Variants in SASS6 observed in about 807,000 individuals in gnomAD.
SASS6 encodes SAS-6 centriolar assembly protein.
In SASS6, 59 loss-of-function variants were observed where a neutral mutation model predicts 94.9. The ratio of observed to expected loss-of-function variants is 0.62; its 90% CI spans 0.50 to 0.77. The LOEUF (loss-of-function observed/expected upper bound fraction) is 0.77, where lower values mean the gene tolerates loss of function less well. SASS6 is among the 30% of genes least tolerant of loss of function. The pLI is 0.00. For missense variants in SASS6, 698 were observed against 734.1 expected, an observed-to-expected ratio of 0.95 and a Z score of 0.57; for synonymous variants, 264 against 270.0, an observed-to-expected ratio of 0.98 and a Z score of 0.22.
chr1:100,102,980 G>A lies in SASS6; in HGVS notation c.1649C>T (p.Thr550Ile). 2 of 1,612,332 alleles carry A rather than the reference G, an allele frequency of 1.2e-6. No homozygotes were observed. The highest frequency in any genetic ancestry group is 2.2e-5 in the East Asian group (1 of 44,834). The change falls in exon 14 of 17, where the codon ACC becomes ATC. Residue 550 changes from threonine to isoleucine, a missense_variant. Coordinates refer to ENST00000287482, the MANE Select transcript of SASS6 (RefSeq NM_194292.3). ...TFPHSISAKN[T>I]SHPGSGTKVQ... The stretch of plus-strand genomic sequence containing the variant: ...CTTTGTTCCTGAACCAGGGTGGCTG[G>A]TATTTTTGGCAGATATCGAATGAGG...
At chr1:100,106,222 G>GTA (rs1652891757) in intron 12 of SASS6, among the ~76,000 whole-genome samples, 1 of 152,004 alleles carries the variant, frequency 6.6e-6, no homozygotes, top group Non-Finnish European at 1.5e-5. Context: ...ATACCCAGTA[G>GTA]TATAAACTGA....
In SASS6 at chr1:100,103,004, G is replaced by A; in HGVS notation, c.1625C>T (p.Pro542Leu). Residue 542 changes from proline (P) to leucine (L), a missense_variant, in exon 14 of 17, where the codon CCT (proline) becomes CTT (leucine). Pro to Leu is a moderately conservative substitution (Grantham distance 98, BLOSUM62 -3). Coordinates refer to ENST00000287482, the MANE Select transcript of SASS6 (RefSeq NM_194292.3). ...SSAFAFQNTFPHSISAKNTSH... is the reference protein window; with the variant it reads ...SSAFAFQNTFLHSISAKNTSH... The stretch of plus-strand genomic sequence containing the variant: ...GGTATTTTTGGCAGATATCGAATGA[G>A]GGAAGGTATTCTGGAATGCAAATGC... 1 of 1,611,388 alleles carries A rather than the reference G, an allele frequency of 6.2e-7. No homozygotes were observed. The highest frequency in any genetic ancestry group is 8.5e-7 in the Non-Finnish European group (1 of 1,177,648).
intron 1 of SASS6, 60 bp downstream of exon 1, chr1:100,132,690 C>T: frequency 1.5e-6 from 2 of 1,374,912 alleles, no homozygotes. Flanking sequence ...GAACCGCCAT[C>T]TTTCCCCATT....
rs181784681 is a variant in SASS6 at position 100,120,379 on chromosome 1, T to C, written c.549+15A>G. 1.9e-3 allele frequency: 2,537 copies of C among 1,355,684 alleles called. 8 individuals are homozygous for C. Among genetic ancestry groups the C allele is most frequent in the South Asian group, 4.3e-3 (362 of 85,020 alleles). 84.0% of individuals were successfully genotyped at this position (1,355,684 alleles called of 1,614,324 possible). ...GTCTGGATGACTTACAAAGACAAAATGAAATTTGAATTACCTTTCGTGTAA... is the reference window on the plus strand; with the variant it reads ...GTCTGGATGACTTACAAAGACAAAACGAAATTTGAATTACCTTTCGTGTAA... On this transcript the variant is annotated intron_variant, in intron 6 of 16. Coordinates refer to ENST00000287482, the MANE Select transcript of SASS6 (RefSeq NM_194292.3).
At chr1:100,093,483 G>A (rs1172155957) in intron 14 of SASS6, among the ~76,000 whole-genome samples, 1 of 152,170 alleles carries the variant, frequency 6.6e-6, no homozygotes, top group African/African-American at 2.4e-5. Context: ...GAATAGGGCT[G>A]GGCGTGGTGG....
Position 100,121,539 on chromosome 1 carries a change from G to A in SASS6, c.322C>T (p.Gln108Ter). ...HAKEIPRFLLQLVSPAAILDN... is the reference protein window; with the variant it reads ...HAKEIPRFLL Reference sequence around the variant, plus strand: ...AAAATAGCTGCTGGAGAAACTAACTGTAGCAAAAACCTTTGAAAAGAAAAT... The same window carrying A: ...AAAATAGCTGCTGGAGAAACTAACTATAGCAAAAACCTTTGAAAAGAAAAT... The change falls in exon 5 of 17, where the codon CAG becomes TAG. Residue 108 changes from glutamine to a stop codon, truncating the protein, a stop_gained. Transcript: ENST00000287482. LOFTEE classifies it high-confidence loss of function. The A allele has an allele frequency of 6.3e-7, 1 of 1,575,830 alleles. No homozygotes were observed. The highest frequency in any genetic ancestry group is 1.8e-5 in the Admixed American group (1 of 55,006).
chr1:100,107,130 C>A, intron 11 of SASS6, 137 bp from the exon 12 acceptor site: 1 of 604,598 alleles, frequency 1.7e-6, no homozygotes, highest in Non-Finnish European at 2.9e-6. Flanking sequence ...GGAATTAGCT[C>A]AATTATGTAA....
In SASS6 at chr1:100,085,079, C is replaced by A; in HGVS notation, c.*249G>T. The A allele has an allele frequency of 2.5e-6, 1 of 402,398 alleles. No individual in the cohort carries two copies. The highest frequency in any genetic ancestry group is 4.0e-5 in the East Asian group (1 of 24,796). The allele number at this position is 402,398 out of a possible 1,614,324, so 24.9% of individuals were successfully genotyped here. On this transcript the variant is annotated 3_prime_UTR_variant, in exon 17 of 17. Coordinates refer to ENST00000287482, the MANE Select transcript of SASS6 (RefSeq NM_194292.3). ...TTCTAAAGAATAGCTTAATAAAATT[C>A]ATATTATTCTATAAAACGCCATGTT...
intron 7 of SASS6, among the ~76,000 whole-genome samples, chr1:100,116,895 T>A (rs1457710504): frequency 6.6e-6 from 1 of 152,156 alleles, no homozygotes; most frequent in African/African-American, 2.4e-5. Flanking sequence ...AATTTCTTTA[T>A]CTTAATTTGG....
rs550931839 is a variant in SASS6 at position 100,092,143 on chromosome 1, A to C, written c.1675-3907T>G. ...ATAAGTTCAAAATCCATGCCCAGAC[A>C]CATCATTGTTAAACTGTGAAAAACT... On this transcript the variant is annotated intron_variant, in intron 14 of 16. Coordinates refer to ENST00000287482, the MANE Select transcript of SASS6 (RefSeq NM_194292.3). Among the ~76,000 whole-genome samples, 19 of 151,734 alleles carry C rather than the reference A, an allele frequency of 1.3e-4. No individual in the cohort carries two copies. The South Asian group carries it at 3.9e-3, about 31-fold the overall frequency.
At chr1:100,108,062 GTTAT>G in intron 8 of SASS6, 58 bp from the exon 9 acceptor site, 1 of 990,038 alleles carries the variant, frequency 1.0e-6, no homozygotes, top group Non-Finnish European at 1.5e-6. Flanking sequence ...GCCTCATCTG[GTTAT>G]TTATAATTAA....
chr1:100,113,348 C>G (rs969177223), intron 7 of SASS6, among the ~76,000 whole-genome samples: 1 of 152,076 alleles, frequency 6.6e-6, no homozygotes, highest in African/African-American at 2.4e-5. Context: ...GTGGCTCACG[C>G]CTGTAATCCC....
intron 14 of SASS6, among the ~76,000 whole-genome samples, chr1:100,090,601 G>T (rs181728124): frequency 1.6e-3 from 249 of 152,156 alleles, no homozygotes; most frequent in African/African-American, 5.5e-3. Flanking sequence ...TGAAGGAGGG[G>T]AATCATATTT....
At chr1:100,090,568 T>A (rs1233059664) in intron 14 of SASS6, among the ~76,000 whole-genome samples, 1 of 152,138 alleles carries the variant, frequency 6.6e-6, no homozygotes, top group Non-Finnish European at 1.5e-5. Context: ...ACAGCAACAG[T>A]GGCGAGGCGA....
chr1:100,085,376 G>A lies in SASS6; in HGVS notation c.1926C>T (p.Leu642=). 6.2e-7 allele frequency: 1 copy of A among 1,613,664 alleles called. No individual in the cohort carries two copies. Among genetic ancestry groups the A allele is most frequent in the South Asian group, 1.1e-5 (1 of 91,080 alleles). ...GGAAATAGGCTGAAGACGCAGAGGG[G>A]AGCGCTGTGGGTTTGGAAGATGTAT... ...ALHTSSKPTA[L]PSASSAYFPG... is the part of the protein sequence containing the mutation. Residue 642 remains leucine, a synonymous_variant, in exon 17 of 17, where the codon CTC becomes CTT. Transcript: ENST00000287482.
At chr1:100,106,802 T>G in intron 12 of SASS6, 110 bp downstream of exon 12, 4 of 607,148 alleles carry the variant, frequency 6.6e-6, no homozygotes, top group South Asian at 1.8e-5. Flanking sequence ...TGCAGTGAGC[T>G]GAGATCATGC....
At position 100,106,963 on chromosome 1, in the gene SASS6, T is replaced by C; in HGVS notation, c.1357A>G (p.Thr453Ala). 7.0e-7 allele frequency: 1 copy of C among 1,436,104 alleles called. No homozygotes were observed. The highest frequency in any genetic ancestry group is 9.8e-7 in the Non-Finnish European group (1 of 1,021,560). The allele number at this position is 1,436,104 out of a possible 1,614,324, so 89.0% of individuals were successfully genotyped here. ...VCKLQEQLEA[T>A]VKKLEESKQL... is the part of the protein sequence containing the mutation. Reference sequence around the variant, plus strand: ...TTGCTTTCTTCAAGTTTTTTAACTGTAGCTTCTAATTGTTCTTGTAATTTG... The same window carrying C: ...TTGCTTTCTTCAAGTTTTTTAACTGCAGCTTCTAATTGTTCTTGTAATTTG... The change falls in exon 12 of 17, where the codon ACA (threonine) becomes GCA (alanine). Residue 453 changes from threonine (T) to alanine (A), a missense_variant. Transcript: ENST00000287482.
At chr1:100,116,995 TATTA>T (rs1653839062) in intron 7 of SASS6, among the ~76,000 whole-genome samples, 2 of 152,046 alleles carry the variant, frequency 1.3e-5, no homozygotes, top group Non-Finnish European at 2.9e-5. Context: ...TAAAATGTAA[TATTA>T]AAGAAGCTAT....
chr1:100,103,586 T>C (rs889817809), intron 13 of SASS6, among the ~76,000 whole-genome samples: 3 of 152,228 alleles, frequency 2.0e-5, no homozygotes, highest in Non-Finnish European at 1.5e-5. Context: ...ATTTTTATAC[T>C]GAGACCAGTT....
Sources: gnomAD v4.1 joint callset for allele counts (sites outside exome capture counted in the v4.1 genomes callset) on GRCh38, gnomAD v4.1.1 for gene constraint, MANE v1.5 for transcripts, NCBI Gene and HGNC (gene_info 2026-07-23, HGNC 2026-07-21) for gene names.